Variants in GALNT12 observed in about 807,000 individuals in gnomAD.
GALNT12 encodes UDP-GalNAc:polypeptide N-acetylgalactosaminyltransferase 12.
Under a neutral mutation model 55.5 loss-of-function variants are expected in GALNT12, and 45 were observed. The observed-to-expected ratio is 0.81, with a 90% CI of 0.64 to 1.04. GALNT12 has a LOEUF of 1.04. Ranked by LOEUF, GALNT12 falls within the 50% of genes least tolerant of loss-of-function variation. The pLI is 0.00. For synonymous variants in GALNT12, 304 were observed against 312.2 expected (o/e 0.97, Z 0.28); for missense variants, 709 against 754.8 (o/e 0.94, Z 0.71).
chr9:98,812,366 G>A (rs1475403712), intron 1 of GALNT12, among the ~76,000 whole-genome samples: 1 of 152,114 alleles, frequency 6.6e-6, no homozygotes, highest in South Asian at 2.1e-4. Flanking sequence ...CGAGGTGGGT[G>A]GATCACTTGA....
intron 1 of GALNT12, among the ~76,000 whole-genome samples, chr9:98,808,434 C>T (rs1400712779): frequency 1.3e-5 from 2 of 152,166 alleles, no homozygotes; most frequent in African/African-American, 4.8e-5. Flanking sequence ...AGTGCCTCCG[C>T]GAAACTGACA....
chr9:98,823,987 G>A (rs1165865006), intron 2 of GALNT12, among the ~76,000 whole-genome samples: 4 of 152,214 alleles, frequency 2.6e-5, no homozygotes, highest in South Asian at 4.1e-4. Flanking sequence ...AGTGAGAGCA[G>A]CTAAGCTTAA....
At chr9:98,813,818 A>T (rs989704522) in intron 1 of GALNT12, among the ~76,000 whole-genome samples, 14 of 152,066 alleles carry the variant, frequency 9.2e-5, no homozygotes, top group Non-Finnish European at 1.6e-4. Context: ...TAAAAAAAAA[A>T]AACTTTTTAT....
At chr9:98,830,153 A>T (rs1413074614) in intron 3 of GALNT12, among the ~76,000 whole-genome samples, 5 of 152,142 alleles carry the variant, frequency 3.3e-5, no homozygotes, top group African/African-American at 7.2e-5. Flanking sequence ...TCCCATTTGG[A>T]TCTAACTCTT....
Position 98,823,371 on chromosome 9 carries a change from T to C in GALNT12, c.487T>C (p.Ser163Pro). The C allele has an allele frequency of 6.2e-7, 1 of 1,614,200 alleles. No individual in the cohort carries two copies. The highest frequency in any genetic ancestry group is 1.3e-5 in the African/African-American group (1 of 75,068). The change falls in exon 2 of 10, where the codon TCC (serine) becomes CCC (proline). Residue 163 changes from serine (S) to proline (P), a missense_variant. This residue lies in a region of GALNT12 where 315 missense variants were observed against 288.6 expected (regional missense o/e 1.09). Transcript: ENST00000375011. ...LRTVYSVLET[S>P]PDILLEEVIL... is the part of the protein sequence containing the mutation. ...GACAGTTTACAGTGTCCTTGAGACA[T>C]CCCCGGATATCCTGCTAGAAGAAGT...
At chr9:98,809,904 C>G (rs1835458534) in intron 1 of GALNT12, among the ~76,000 whole-genome samples, 1 of 152,166 alleles carries the variant, frequency 6.6e-6, no homozygotes, top group Admixed American at 6.5e-5. Context: ...CTTGTAGATC[C>G]TGCTGTTGCA....
At chr9:98,848,906 A>G (rs1836482318) in intron 9 of GALNT12, 46 bp from the exon 10 acceptor site, 2 of 1,612,704 alleles carry the variant, frequency 1.2e-6, no homozygotes, top group East Asian at 2.2e-5. Context: ...TTTAGGAAAA[A>G]GAGACTTTTC....
At chr9:98,815,408 A>T (rs1022796) in intron 1 of GALNT12, among the ~76,000 whole-genome samples, 1 of 151,994 alleles carries the variant, frequency 6.6e-6, no homozygotes, top group Non-Finnish European at 1.5e-5. Flanking sequence ...TGTGGTGTTC[A>T]GTAGGTTAGG....
chr9:98,824,139 CTGTGTGTTCTAATAGG>C (rs1245183679), intron 2 of GALNT12, among the ~76,000 whole-genome samples: 7 of 152,188 alleles, frequency 4.6e-5, no homozygotes. Context: ...AAACTGGCCT[CTGTGTGTTCTAATAGG>C]TGTGTGCATT....
Position 98,849,775 on chromosome 9 carries a change from C to G in GALNT12, c.*683C>G. 2.5e-6 allele frequency: 1 copy of G among 394,978 alleles called. No individual in the cohort carries two copies. The highest frequency in any genetic ancestry group is 3.6e-5 in the East Asian group (1 of 27,742). 24.5% of individuals were successfully genotyped at this position (394,978 alleles called of 1,614,324 possible). A position where few individuals can be genotyped will look rare whatever the true frequency, so the allele number is the denominator to read the frequency against. On this transcript the variant is annotated 3_prime_UTR_variant, in exon 10 of 10. Coordinates refer to ENST00000375011, the MANE Select transcript of GALNT12 (RefSeq NM_024642.5). ...GCTGAGTCAACTTGAGAGCGAACTTCTAACAATGCCGCACTGTAGTGTGGC... is the reference window on the plus strand; with the variant it reads ...GCTGAGTCAACTTGAGAGCGAACTTGTAACAATGCCGCACTGTAGTGTGGC...
At chr9:98,821,465 C>T (rs1273076600) in intron 1 of GALNT12, among the ~76,000 whole-genome samples, 1 of 151,604 alleles carries the variant, frequency 6.6e-6, no homozygotes, top group Non-Finnish European at 1.5e-5. Flanking sequence ...ACTAAAAATA[C>T]AAAAACAAAA....
At chr9:98,838,525 G>A (rs1394149963) in intron 6 of GALNT12, among the ~76,000 whole-genome samples, 1 of 152,174 alleles carries the variant, frequency 6.6e-6, no homozygotes, top group Non-Finnish European at 1.5e-5. Flanking sequence ...TCCTCATAGC[G>A]ATTTATCTCA....
intron 6 of GALNT12, among the ~76,000 whole-genome samples, chr9:98,838,770 G>GCT (rs1836216597): frequency 1.3e-5 from 2 of 152,190 alleles, no homozygotes; most frequent in African/African-American, 4.8e-5. Context: ...TTCTCATCAG[G>GCT]CCACTTCATG....
chr9:98,836,010 A>G (rs1836134597), intron 5 of GALNT12, among the ~76,000 whole-genome samples: 2 of 152,196 alleles, frequency 1.3e-5, no homozygotes, highest in Admixed American at 6.5e-5. Context: ...TGCTGGGATT[A>G]TAGGTGTGAG....
chr9:98,832,772 A>G (rs1427703348), intron 4 of GALNT12, among the ~76,000 whole-genome samples: 2 of 152,168 alleles, frequency 1.3e-5, no homozygotes, highest in African/African-American at 4.8e-5. Flanking sequence ...ACTTATCATC[A>G]TGTTTTCAAG....
At position 98,831,919 on chromosome 9, in the gene GALNT12, G is replaced by A; in HGVS notation, c.879G>A (p.Arg293=). The change falls in exon 4 of 10, where the codon AGG becomes AGA. Residue 293 remains arginine (R), a synonymous_variant. Coordinates refer to ENST00000375011, the MANE Select transcript of GALNT12 (RefSeq NM_024642.5). ...TCACGTGGCACACAGTTCCTGAGAGGGAGAGGATACGGATGCAATCCCCCG... is the reference window on the plus strand; with the variant it reads ...TCACGTGGCACACAGTTCCTGAGAGAGAGAGGATACGGATGCAATCCCCCG... ...LVFTWHTVPE[R]ERIRMQSPVD... is the part of the protein sequence containing the mutation. 1.2e-6 allele frequency: 2 copies of A among 1,614,110 alleles called. No individual in the cohort carries two copies. Among genetic ancestry groups the A allele is most frequent in the Non-Finnish European group, 8.5e-7 (1 of 1,180,014 alleles).
intron 6 of GALNT12, among the ~76,000 whole-genome samples, chr9:98,838,220 A>C (rs1289771964): frequency 1.3e-5 from 2 of 152,102 alleles, no homozygotes; most frequent in African/African-American, 4.8e-5. Flanking sequence ...CCATTTCCAG[A>C]TGGAAGGACT....
chr9:98,826,828 G>T lies in GALNT12; in HGVS notation c.618G>T (p.Glu206Asp), dbSNP rs752104405. Reference sequence around the variant, plus strand: ...GCCTGATCCGCGCCAACAAGAGAGAGGGCCTGGTGCGAGCCCGGCTGCTGG... The same window carrying T: ...GCCTGATCCGCGCCAACAAGAGAGATGGCCTGGTGCGAGCCCGGCTGCTGG... ...KVRLIRANKR[E>D]GLVRARLLGA... The change falls in exon 3 of 10, where the codon GAG becomes GAT. Residue 206 changes from glutamate to aspartate, a missense_variant. Glu to Asp is a conservative substitution (Grantham distance 45). Coordinates refer to ENST00000375011, the MANE Select transcript of GALNT12 (RefSeq NM_024642.5). The T allele has an allele frequency of 2.5e-6, 4 of 1,611,922 alleles. No homozygotes were observed. The Admixed American group carries it at 6.7e-5, about 27-fold the overall frequency.
At chr9:98,824,555 G>A (rs1422573250) in intron 2 of GALNT12, among the ~76,000 whole-genome samples, 2 of 152,172 alleles carry the variant, frequency 1.3e-5, no homozygotes, top group Non-Finnish European at 2.9e-5. Context: ...CAGGTCACAG[G>A]GAGAATGGGT....
Sources: allele counts gnomAD v4.1 joint callset (sites outside exome capture counted in the v4.1 genomes callset), GRCh38; gene constraint gnomAD v4.1.1; regional missense constraint gnomAD v4.1.1; transcripts MANE v1.5; gene names NCBI Gene and HGNC (gene_info 2026-07-23, HGNC 2026-07-21).